The following ENPP1 variants were observed in gnomAD, a reference collection of about 807,000 sequenced individuals.
The protein encoded by ENPP1 is ectonucleotide pyrophosphatase/phosphodiesterase 1.
A neutral mutation model predicts 122.8 loss-of-function variants in ENPP1; 73 were observed. The ratio of observed to expected loss-of-function variants is 0.59; its 90% CI spans 0.49 to 0.72. The LOEUF (loss-of-function observed/expected upper bound fraction) is 0.72. Ranked by LOEUF, ENPP1 falls within the 30% of genes least tolerant of loss-of-function variation. ENPP1 has a pLI of 0.00. For missense variants in ENPP1, 978 were observed against 1,128.1 expected, an observed-to-expected ratio of 0.87 and a Z score of 1.91; for synonymous variants, 367 against 391.6, an observed-to-expected ratio of 0.94 and a Z score of 0.74.
intron 15 of ENPP1, among the ~76,000 whole-genome samples, chr6:131,873,282 C>T (rs1465025533): frequency 1.3e-5 from 2 of 152,206 alleles, no homozygotes; most frequent in Non-Finnish European, 1.5e-5. Context: ...TTTACTTCTC[C>T]CCACTAGATG....
intron 1 of ENPP1, among the ~76,000 whole-genome samples, chr6:131,843,118 T>C (rs1781762303): frequency 6.6e-6 from 1 of 152,194 alleles, no homozygotes; most frequent in Non-Finnish European, 1.5e-5. Context: ...TAGATTATGA[T>C]ATTGATGAGT....
intron 24 of ENPP1, among the ~76,000 whole-genome samples, chr6:131,887,420 T>C (rs1214902616): frequency 6.6e-6 from 1 of 150,450 alleles, no homozygotes; most frequent in African/African-American, 2.4e-5. Context: ...TGAGACAGAG[T>C]CTCACTTTGG....
chr6:131,891,874 T>G lies in ENPP1; in HGVS notation c.*1363T>G, dbSNP rs1442121927. On this transcript the variant is annotated 3_prime_UTR_variant, in exon 25 of 25. Transcript: ENST00000647893. ...TTCTTCTGTCTCGAAGCTCACTGAT[T>G]CTTTATTCTGTCTAATCTGTTCTGC... is the stretch of plus-strand genomic sequence containing the variant. The G allele has an allele frequency of 6.6e-6, 1 of 152,098 alleles. No individual in the cohort carries two copies. The highest frequency in any genetic ancestry group is 1.5e-5 in the Non-Finnish European group (1 of 68,022). The allele number at this position is 152,098 out of a possible 1,614,324, so 9.4% of individuals were successfully genotyped here. A position where few individuals can be genotyped will look rare whatever the true frequency, so the allele number is the denominator to read the frequency against.
At chr6:131,815,471 T>C (rs1781402035) in intron 1 of ENPP1, among the ~76,000 whole-genome samples, 1 of 152,232 alleles carries the variant, frequency 6.6e-6, no homozygotes, top group African/African-American at 2.4e-5. Flanking sequence ...ATGTTGTCTC[T>C]TTCTCAGGGA....
At position 131,875,819 on chromosome 6, in the gene ENPP1, A is replaced by C; in HGVS notation, c.1679A>C (p.Glu560Ala). Residue 560 changes from glutamate to alanine, a missense_variant, in exon 17 of 25, where the codon GAG becomes GCG. Around this residue, in one of 3 missense-constraint regions of ENPP1, gnomAD observed 644 missense variants for 781.5 expected, o/e 0.82. Transcript: ENST00000647893. ...GGACCTGGATTCAAGCATGGCATTG[A>C]GGCTGACACCTTTGAAAACATTGAA... ...GYGPGFKHGIEADTFENIEVY... is the reference protein window; with the variant it reads ...GYGPGFKHGIAADTFENIEVY... 1 of 1,614,094 alleles carries C rather than the reference A, an allele frequency of 6.2e-7. No individual in the cohort carries two copies. The highest frequency in any genetic ancestry group is 1.1e-5 in the South Asian group (1 of 91,082).
intron 9 of ENPP1, among the ~76,000 whole-genome samples, chr6:131,864,049 A>G (rs1782057459): frequency 1.3e-5 from 2 of 152,188 alleles, no homozygotes; most frequent in Non-Finnish European, 2.9e-5. Context: ...CTCTGATTAG[A>G]GGTGTGTAAA....
chr6:131,869,401 A>G lies in ENPP1; in HGVS notation c.1317A>G (p.Lys439=), dbSNP rs9483347. 4,218 of 1,613,154 alleles carry G rather than the reference A, an allele frequency of 2.6e-3. 89 individuals carry two copies. In the African/African-American group the frequency reaches 0.043, roughly 17 times the overall value. ...GTAAGAAATACATATATCTGAATAA[A>G]TATTTGGGGGATGTTAAAAATATTA... ...GSCKKYIYLN[K]YLGDVKNIKV... is the part of the protein sequence containing the mutation. The change falls in exon 13 of 25, where the codon AAA becomes AAG. Residue 439 remains lysine, a synonymous_variant. Transcript: ENST00000647893.
intron 1 of ENPP1, chr6:131,827,346 A>T: frequency 8.5e-7 from 1 of 1,171,098 alleles, no homozygotes; most frequent in South Asian, 1.2e-5. Flanking sequence ...GACATCAGGG[A>T]TGTCACTATA....
chr6:131,824,516 G>A (rs1031424829), intron 1 of ENPP1, among the ~76,000 whole-genome samples: 3 of 151,994 alleles, frequency 2.0e-5, no homozygotes, highest in African/African-American at 4.8e-5. Context: ...GTGCAGTGGC[G>A]CCATCTCGGC....
intron 11 of ENPP1, among the ~76,000 whole-genome samples, chr6:131,867,244 G>A (rs1782102854): frequency 6.6e-6 from 1 of 152,132 alleles, no homozygotes; most frequent in African/African-American, 2.4e-5. Flanking sequence ...ATATTATAGT[G>A]AAATAATACT....
chr6:131,865,181 A>G (rs1030131234), intron 11 of ENPP1, among the ~76,000 whole-genome samples: 2 of 152,210 alleles, frequency 1.3e-5, no homozygotes. Flanking sequence ...TATATTTTCA[A>G]TTTGAAAGCC....
chr6:131,831,114 C>CAAAAAAAAA (rs3036850), intron 1 of ENPP1, among the ~76,000 whole-genome samples: 113 of 59,930 alleles, frequency 1.9e-3, no homozygotes, highest in Non-Finnish European at 2.5e-3. Flanking sequence ...GCCCATCTCT[C>CAAAAAAAAA]AAAAAAAAAA....
intron 1 of ENPP1, among the ~76,000 whole-genome samples, chr6:131,810,086 C>A (rs1480802399): frequency 6.6e-6 from 1 of 152,190 alleles, no homozygotes; most frequent in African/African-American, 2.4e-5. Context: ...AGACCTGGTG[C>A]GGTGACTCAT....
At position 131,890,877 on chromosome 6, in the gene ENPP1, G is replaced by A; in HGVS notation, c.*366G>A. 1 of 254,022 alleles carries A rather than the reference G, an allele frequency of 3.9e-6. No individual in the cohort carries two copies. The highest frequency in any genetic ancestry group is 5.3e-5 in the South Asian group (1 of 18,694). 15.7% of individuals were successfully genotyped at this position (254,022 alleles called of 1,614,324 possible). On this transcript the variant is annotated 3_prime_UTR_variant, in exon 25 of 25. Transcript: ENST00000647893. ...TGGTAATAAACCTTGATGGCATTGG[G>A]CAAACAGTAGACTTATAGTAGGGTT...
intron 13 of ENPP1, among the ~76,000 whole-genome samples, chr6:131,871,770 G>C (rs879150331): frequency 6.6e-6 from 1 of 152,172 alleles, no homozygotes; most frequent in South Asian, 2.1e-4. Flanking sequence ...TGGACAGGTG[G>C]ATGGATAGTT....
At chr6:131,877,266 G>A in intron 18 of ENPP1, 105 bp downstream of exon 18, 1 of 1,090,596 alleles carries the variant, frequency 9.2e-7, no homozygotes, top group Non-Finnish European at 1.4e-6. Context: ...ATTTAGGAGT[G>A]GGGGTAGGTA....
In ENPP1 at chr6:131,873,758, A is replaced by G. The variant is rs1782192843; in HGVS notation, c.1566-510A>G. On this transcript the variant is annotated intron_variant, in intron 15 of 24. Coordinates refer to ENST00000647893, the MANE Select transcript of ENPP1 (RefSeq NM_006208.3). Reference sequence around the variant, plus strand: ...AAACCTAAGCAGTGAACCAAAATTCAGTAAACAGAATTATACTGTCTCCAC... The same window carrying G: ...AAACCTAAGCAGTGAACCAAAATTCGGTAAACAGAATTATACTGTCTCCAC... Among the ~76,000 whole-genome samples the G allele has an allele frequency of 3.3e-5, 5 of 152,226 alleles. No homozygotes were observed. In the South Asian group the frequency reaches 1.0e-3, roughly 32 times the overall value.
chr6:131,870,233 A>G (rs1039424005), intron 13 of ENPP1, among the ~76,000 whole-genome samples: 2 of 152,214 alleles, frequency 1.3e-5, no homozygotes, highest in African/African-American at 4.8e-5. Context: ...GCTGGCAGAA[A>G]TGATTAATTC....
chr6:131,836,993 A>G lies in ENPP1; in HGVS notation c.241-10783A>G, dbSNP rs142544622. The stretch of plus-strand genomic sequence containing the variant: ...GCTTGAGCAGGTAGTGACAAGTACT[A>G]CCTTATGTGTGGATCTGTGCAGAGG... On this transcript the variant is annotated intron_variant, in intron 1 of 24. Transcript: ENST00000647893. 5.0e-3 allele frequency among the ~76,000 whole-genome samples: 764 copies of G among 152,190 alleles called. 7 individuals are homozygous for G. Among genetic ancestry groups the G allele is most frequent in the Non-Finnish European group, 7.7e-3 (523 of 68,008 alleles).
Sources: allele counts gnomAD v4.1 joint callset (sites outside exome capture counted in the v4.1 genomes callset), GRCh38; gene constraint gnomAD v4.1.1; regional missense constraint gnomAD v4.1.1; transcripts MANE v1.5; gene names NCBI Gene and HGNC (gene_info 2026-07-23, HGNC 2026-07-21).